Variants in ERBB4 observed in about 807,000 individuals in gnomAD.
ERBB4 encodes the protein receptor tyrosine-protein kinase erbB-4.
Under a neutral mutation model 158.0 loss-of-function variants are expected in ERBB4, and 42 were observed. That is an observed-to-expected ratio of 0.27 (90% CI 0.21 to 0.34). The LOEUF (loss-of-function observed/expected upper bound fraction) is 0.34. Ranked by LOEUF, ERBB4 falls within the 10% of genes least tolerant of loss-of-function variation. ERBB4 has a pLI of 1.00. For synonymous variants in ERBB4, 583 were observed against 558.7 expected, an observed-to-expected ratio of 1.04 and a Z score of -0.61; for missense variants, 1,333 against 1,624.1, an observed-to-expected ratio of 0.82 and a Z score of 3.08.
chr2:212,067,859 A>G (rs1286079014), intron 2 of ERBB4, among the ~76,000 whole-genome samples: 1 of 152,030 alleles, frequency 6.6e-6, no homozygotes, highest in Non-Finnish European at 1.5e-5. Context: ...TGTCATGCCC[A>G]TTCCTAAAAT....
chr2:211,392,263 ACT>A (rs1202490782), intron 25 of ERBB4, among the ~76,000 whole-genome samples: 2 of 152,036 alleles, frequency 1.3e-5, no homozygotes, highest in African/African-American at 4.8e-5. Flanking sequence ...CATGGTTGTA[ACT>A]CTGCATCTTT....
intron 2 of ERBB4, chr2:211,960,865 A>G (rs1256187078): frequency 6.6e-6 from 1 of 152,130 alleles, no homozygotes; most frequent in Non-Finnish European, 1.5e-5. Context: ...ATCAGGCACT[A>G]TGTCTTGTAA....
intron 3 of ERBB4, among the ~76,000 whole-genome samples, chr2:211,868,586 T>A (rs2078266143): frequency 6.6e-6 from 1 of 152,170 alleles, no homozygotes; most frequent in Non-Finnish European, 1.5e-5. Context: ...TCATAAGTGA[T>A]CATTTTTGTG....
intron 2 of ERBB4, among the ~76,000 whole-genome samples, chr2:211,994,132 T>A (rs909607962): frequency 1.4e-4 from 21 of 152,232 alleles, no homozygotes; most frequent in Admixed American, 7.2e-4. Context: ...ACCTATCATC[T>A]ATCTATCTGT....
intron 3 of ERBB4, among the ~76,000 whole-genome samples, chr2:211,931,700 A>G (rs750884418): frequency 6.6e-6 from 1 of 152,084 alleles, no homozygotes; most frequent in Non-Finnish European, 1.5e-5. Flanking sequence ...TATCTAAGGT[A>G]TAAGTGGAAT....
chr2:211,477,297 A>ATC (rs768301910), intron 20 of ERBB4, among the ~76,000 whole-genome samples: 7 of 151,004 alleles, frequency 4.6e-5, no homozygotes, highest in Non-Finnish European at 1.0e-4. Context: ...ATTCCTTAAA[A>ATC]TCTCTCTCTC....
chr2:211,604,912 C>T (rs369468818), intron 19 of ERBB4, among the ~76,000 whole-genome samples: 1 of 151,948 alleles, frequency 6.6e-6, no homozygotes, highest in South Asian at 2.1e-4. Flanking sequence ...ATTTGAATTG[C>T]TAATGTGAAA....
Position 211,722,355 on chromosome 2 carries a change from G to A in ERBB4, c.883+38C>T, listed in dbSNP as rs1180799086. 7 of 1,509,904 alleles carry A rather than the reference G, an allele frequency of 4.6e-6. No individual in the cohort carries two copies. In the Admixed American group the frequency reaches 8.4e-5, roughly 18 times the overall value. The allele number at this position is 1,509,904 out of a possible 1,614,324, so 93.5% of individuals were successfully genotyped here. The stretch of plus-strand genomic sequence containing the variant: ...TAAAATTCTTTTGATTTCAAATAAT[G>A]ACCTAATTAATTTGGTTATTCTTAT... On this transcript the variant is annotated intron_variant, in intron 7 of 27. Coordinates refer to ENST00000342788, the MANE Select transcript of ERBB4 (RefSeq NM_005235.3).
intron 1 of ERBB4, among the ~76,000 whole-genome samples, chr2:212,272,948 T>C (rs898316088): frequency 3.3e-5 from 5 of 151,656 alleles, no homozygotes; most frequent in African/African-American, 1.2e-4. Flanking sequence ...ATATCCCTAC[T>C]ATAAAAACCA....
intron 1 of ERBB4, among the ~76,000 whole-genome samples, chr2:212,474,179 G>C (rs1689256225): frequency 6.6e-6 from 1 of 150,950 alleles, no homozygotes; most frequent in Non-Finnish European, 1.5e-5. Context: ...GGACCAATAT[G>C]ACTCAAAAAA....
intron 2 of ERBB4, among the ~76,000 whole-genome samples, chr2:212,117,243 T>C (rs1465653477): frequency 1.3e-5 from 2 of 152,200 alleles, no homozygotes; most frequent in Non-Finnish European, 2.9e-5. Context: ...AGTATCTAAA[T>C]ATGTAACATT....
intron 2 of ERBB4, among the ~76,000 whole-genome samples, chr2:212,055,086 C>A (rs531526318): frequency 5.9e-5 from 9 of 152,212 alleles, no homozygotes; most frequent in African/African-American, 2.2e-4. Context: ...CCTGGAAAAT[C>A]GGGTCACTCC....
At chr2:211,927,578 G>T (rs1047546802) in intron 3 of ERBB4, among the ~76,000 whole-genome samples, 1 of 151,988 alleles carries the variant, frequency 6.6e-6, no homozygotes, top group Non-Finnish European at 1.5e-5. Context: ...AAATCATCAG[G>T]CTCCACATTA....
At chr2:211,563,078 A>T (rs2067450489) in intron 19 of ERBB4, among the ~76,000 whole-genome samples, 1 of 152,196 alleles carries the variant, frequency 6.6e-6, no homozygotes, top group African/African-American at 2.4e-5. Context: ...AAACTGAGTT[A>T]TAATTTTGCA....
intron 20 of ERBB4, among the ~76,000 whole-genome samples, chr2:211,534,479 T>C (rs73073170): frequency 0.022 from 3,415 of 152,184 alleles, 130 homozygotes; most frequent in African/African-American, 0.079. Context: ...CATCCTCTTA[T>C]AGGGCATCAT....
chr2:212,440,481 A>G (rs749921527), intron 1 of ERBB4, among the ~76,000 whole-genome samples: 1 of 152,152 alleles, frequency 6.6e-6, no homozygotes, highest in Non-Finnish European at 1.5e-5. Context: ...TGATTGTGTA[A>G]GTTAATACTT....
Position 211,428,430 on chromosome 2 carries a change from A to G in ERBB4, c.2697T>C (p.His899=). 1 of 1,592,520 alleles carries G rather than the reference A, an allele frequency of 6.3e-7. No individual in the cohort carries two copies. Among genetic ancestry groups the G allele is most frequent in the Non-Finnish European group, 8.6e-7 (1 of 1,161,356 alleles). ...TACCATAGCTCCAAACGTCACTCTGATGGGTGAATTTCCTGTAATGTATAC... is the reference window on the plus strand; with the variant it reads ...TACCATAGCTCCAAACGTCACTCTGGTGGGTGAATTTCCTGTAATGTATAC... ...LECIHYRKFT[H]QSDVWSYGVT... Residue 899 remains histidine (H), a synonymous_variant, in exon 22 of 28, where the codon CAT becomes CAC. Coordinates refer to ENST00000342788, the MANE Select transcript of ERBB4 (RefSeq NM_005235.3).
intron 2 of ERBB4, among the ~76,000 whole-genome samples, chr2:212,056,366 C>G (rs563510413): frequency 6.6e-6 from 1 of 152,230 alleles, no homozygotes; most frequent in East Asian, 1.9e-4. Flanking sequence ...AGGGTATTAT[C>G]CAGGAGAACT....
intron 3 of ERBB4, among the ~76,000 whole-genome samples, chr2:211,936,131 A>T (rs2080315992): frequency 1.3e-5 from 2 of 152,112 alleles, no homozygotes; most frequent in African/African-American, 4.8e-5. Flanking sequence ...CCTATTCAAC[A>T]TTAAAGCAGA....
Sources: allele counts gnomAD v4.1 joint callset (sites outside exome capture counted in the v4.1 genomes callset), GRCh38; gene constraint gnomAD v4.1.1; transcripts MANE v1.5; gene names NCBI Gene and HGNC (gene_info 2026-07-23, HGNC 2026-07-21).